The following ZNG1E variants were observed in gnomAD, a reference collection of about 807,000 sequenced individuals.
ZNG1E encodes Zn regulated GTPase metalloprotein activator 1E, also known as zinc-regulated GTPase metalloprotein activator 1E.
chr9:65,693,605 T>C, the ZNG1E span: 1 of 492,492 alleles, frequency 2.0e-6, no homozygotes, highest in Non-Finnish European at 3.3e-6. Context: ...TTGCCCAGGC[T>C]GGAGTGCAGT....
the ZNG1E span, chr9:65,703,508 G>A: frequency 3.3e-6 from 3 of 908,764 alleles, no homozygotes; most frequent in Non-Finnish European, 3.9e-6. Flanking sequence ...GTGTATTTCT[G>A]TAGATTAAAT....
the ZNG1E span, among the ~76,000 whole-genome samples, chr9:65,710,981 C>T: frequency 1.9e-4 from 27 of 145,224 alleles, no homozygotes; most frequent in African/African-American, 5.8e-4. Context: ...TTCTTCCTAC[C>T]CATGAGCATG....
At chr9:65,691,256 G>A in the ZNG1E span, among the ~76,000 whole-genome samples, 1 of 148,952 alleles carries the variant, frequency 6.7e-6, no homozygotes, top group African/African-American at 2.5e-5. Flanking sequence ...TTAATTTTTG[G>A]ATTTTTAGTA....
the ZNG1E span, among the ~76,000 whole-genome samples, chr9:65,660,655 A>C: frequency 1.3e-5 from 2 of 151,700 alleles, no homozygotes; most frequent in Admixed American, 1.3e-4. Flanking sequence ...GCTTACAAGA[A>C]TGAAGCTATT....
At chr9:65,716,459 T>A in the ZNG1E span, among the ~76,000 whole-genome samples, 3 of 151,220 alleles carry the variant, frequency 2.0e-5, no homozygotes, top group Non-Finnish European at 4.4e-5. Context: ...CACCCAGCCT[T>A]ATATATGTAT....
the ZNG1E span, among the ~76,000 whole-genome samples, chr9:65,666,691 C>A: frequency 6.8e-6 from 1 of 147,720 alleles, no homozygotes; most frequent in Non-Finnish European, 1.5e-5. Context: ...TATATTTCTA[C>A]TGCTGTCACC....
the ZNG1E span, among the ~76,000 whole-genome samples, chr9:65,717,501 C>G: frequency 6.7e-6 from 1 of 149,540 alleles, no homozygotes; most frequent in Non-Finnish European, 1.5e-5. Context: ...GGTTCCAGCC[C>G]TTCATTTGAC....
the ZNG1E span, among the ~76,000 whole-genome samples, chr9:65,676,896 G>C: frequency 6.8e-6 from 1 of 146,686 alleles, no homozygotes; most frequent in Non-Finnish European, 1.5e-5. Context: ...GACTGTATTA[G>C]AAGTTTGGAA....
the ZNG1E span, among the ~76,000 whole-genome samples, chr9:65,709,262 G>A: frequency 8.7e-5 from 13 of 149,272 alleles, no homozygotes; most frequent in Admixed American, 1.3e-4. Context: ...GAAATACATG[G>A]AAAATTTTAG....
At chr9:65,665,172 C>T in the ZNG1E span, among the ~76,000 whole-genome samples, 1 of 152,286 alleles carries the variant, frequency 6.6e-6, no homozygotes, top group South Asian at 2.1e-4. Context: ...TGTTAATCCC[C>T]AAGACAATGG....
the ZNG1E span, among the ~76,000 whole-genome samples, chr9:65,711,484 G>T: frequency 5.0e-5 from 6 of 120,230 alleles, no homozygotes; most frequent in African/African-American, 2.2e-4. Context: ...GATATTGGCT[G>T]TGGGTTTGTC....
At chr9:65,657,856 T>A in the ZNG1E span, among the ~76,000 whole-genome samples, 1 of 152,286 alleles carries the variant, frequency 6.6e-6, no homozygotes, top group Admixed American at 6.5e-5. Context: ...ATCCCAGCAC[T>A]TTGGGAGGCT....
chr9:65,659,119 CAA>C, the ZNG1E span, among the ~76,000 whole-genome samples: 1 of 152,218 alleles, frequency 6.6e-6, no homozygotes, highest in African/African-American at 2.4e-5. Context: ...TACTCATACC[CAA>C]GAGTCAATAA....
the ZNG1E span, among the ~76,000 whole-genome samples, chr9:65,714,381 T>C: frequency 6.6e-6 from 1 of 151,602 alleles, no homozygotes; most frequent in African/African-American, 2.4e-5. Flanking sequence ...CCGTCCAGCT[T>C]TGTTCTGTTG....
the ZNG1E span, among the ~76,000 whole-genome samples, chr9:65,666,899 C>T: frequency 6.6e-6 from 1 of 152,246 alleles, no homozygotes; most frequent in Non-Finnish European, 1.5e-5. Flanking sequence ...TGGCTCACTG[C>T]AACCTCCATC....
the ZNG1E span, among the ~76,000 whole-genome samples, chr9:65,728,579 T>C: frequency 6.7e-6 from 1 of 148,642 alleles, no homozygotes; most frequent in South Asian, 2.1e-4. Context: ...TATTCAAGGC[T>C]ACTATGAACA....
chr9:65,728,453 G>A, the ZNG1E span, among the ~76,000 whole-genome samples: 2 of 125,038 alleles, frequency 1.6e-5, no homozygotes, highest in Non-Finnish European at 3.4e-5. Flanking sequence ...TCTTTGAAAA[G>A]ATAAATAAAA....
the ZNG1E span, among the ~76,000 whole-genome samples, chr9:65,680,939 C>T: frequency 6.6e-6 from 1 of 152,214 alleles, no homozygotes; most frequent in Non-Finnish European, 1.5e-5. Context: ...CAGGTGCCCG[C>T]TACCACACCT....
the ZNG1E span, among the ~76,000 whole-genome samples, chr9:65,698,076 AG>A: frequency 7.9e-6 from 1 of 127,384 alleles, no homozygotes; most frequent in Admixed American, 8.3e-5. Flanking sequence ...TGTGAAGGGA[AG>A]TATATTAGAT....
Sources: allele counts gnomAD v4.1 joint callset (sites outside exome capture counted in the v4.1 genomes callset), GRCh38; gene constraint gnomAD v4.1.1; transcripts MANE v1.5; gene names NCBI Gene and HGNC (gene_info 2026-07-23, HGNC 2026-07-21).